The following IL1RAPL2 variants were observed in gnomAD, a reference collection of about 807,000 sequenced individuals.
IL1RAPL2 encodes X-linked interleukin-1 receptor accessory protein-like 2.
Under a neutral mutation model 44.1 loss-of-function variants are expected in IL1RAPL2, and 3 were observed. That is an observed-to-expected ratio of 0.07 (90% confidence interval 0.03 to 0.18). IL1RAPL2 has a LOEUF of 0.18. IL1RAPL2 is among the 10% of genes least tolerant of loss of function. IL1RAPL2 has a pLI of 1.00. For synonymous variants in IL1RAPL2, 181 were observed against 178.8 expected (o/e 1.01, Z -0.10); for missense variants, 391 against 496.4 (o/e 0.79, Z 2.02).
At chrX:105,036,908 T>C (rs2031639340) in intron 2 of IL1RAPL2, among the ~76,000 whole-genome samples, 1 of 101 alleles carries the variant, frequency 9.9e-3, no homozygotes, top group African/African-American at 0.042. Flanking sequence ...CTATTCAGAA[T>C]TACTATATAT....
intron 6 of IL1RAPL2, among the ~76,000 whole-genome samples, chrX:105,695,450 G>A (rs189531888): frequency 1.1e-3 from 117 of 111,277 alleles, no homozygotes; most frequent in Admixed American, 2.0e-3. Context: ...TTTTTCCTAC[G>A]GTAGGAAATC....
In IL1RAPL2 at chrX:105,404,006, C is replaced by T. The variant is rs1175848646; in HGVS notation, c.698-80307C>T. Among the ~76,000 whole-genome samples, 3 of 112,097 alleles carry T rather than the reference C, an allele frequency of 2.7e-5. No individual in the cohort carries two copies. The East Asian group carries it at 8.4e-4, about 31-fold the overall frequency. ...AGGCAAACTTCTTATAGATGGTATA[C>T]AGCCTGGTGCTTCTCCCTTCCAAAG... On this transcript the variant is annotated intron_variant, in intron 5 of 10. Transcript: ENST00000372582.
At chrX:104,711,800 G>T (rs1482153487) in intron 2 of IL1RAPL2, among the ~76,000 whole-genome samples, 1 of 110,892 alleles carries the variant, frequency 9.0e-6, no homozygotes, top group African/African-American at 3.3e-5. Flanking sequence ...GAATGTATTT[G>T]TATTAAAATC....
intron 5 of IL1RAPL2, among the ~76,000 whole-genome samples, chrX:105,447,981 A>C (rs1306166503): frequency 9.8e-6 from 1 of 102,060 alleles, no homozygotes; most frequent in Non-Finnish European, 1.9e-5. Flanking sequence ...AAATATAAAT[A>C]TATAAATATA....
chrX:104,717,445 T>TAAAAAAA, intron 2 of IL1RAPL2, among the ~76,000 whole-genome samples: 1 of 83,550 alleles, frequency 1.2e-5, no homozygotes. Flanking sequence ...ACTTAAAAGT[T>TAAAAAAA]AAAAAAAAAA....
chrX:105,324,547 T>A (rs2034921044), intron 5 of IL1RAPL2, among the ~76,000 whole-genome samples: 1 of 111,514 alleles, frequency 9.0e-6, no homozygotes, highest in Admixed American at 9.6e-5. Flanking sequence ...TATATATATA[T>A]ATGCATGTTT....
chrX:105,490,137 C>T (rs1004044154), intron 6 of IL1RAPL2, among the ~76,000 whole-genome samples: 1 of 111,471 alleles, frequency 9.0e-6, no homozygotes, highest in Non-Finnish European at 1.9e-5. Flanking sequence ...CGATAATTTT[C>T]TTCTTGGAAG....
intron 2 of IL1RAPL2, among the ~76,000 whole-genome samples, chrX:104,698,648 G>T (rs942144440): frequency 8.9e-6 from 1 of 112,238 alleles, no homozygotes; most frequent in Non-Finnish European, 1.9e-5. Flanking sequence ...CCTTCGGAAA[G>T]CAAGGATATT....
chrX:105,726,825 A>G (rs1446594605), intron 7 of IL1RAPL2, among the ~76,000 whole-genome samples: 3 of 110,810 alleles, frequency 2.7e-5, no homozygotes, highest in Non-Finnish European at 5.7e-5. Flanking sequence ...AGAATCTTTC[A>G]CTGTAAATGT....
intron 2 of IL1RAPL2, among the ~76,000 whole-genome samples, chrX:105,133,668 G>T (rs1241390494): frequency 8.9e-6 from 1 of 111,748 alleles, no homozygotes; most frequent in Non-Finnish European, 1.9e-5. Context: ...TACTTCTGGA[G>T]GTTGGGAAGT....
At chrX:104,861,022 T>G (rs1028763258) in intron 2 of IL1RAPL2, among the ~76,000 whole-genome samples, 2 of 111,135 alleles carry the variant, frequency 1.8e-5, no homozygotes, top group African/African-American at 6.5e-5. Context: ...TGCCTAGTAT[T>G]TTCCGCCATT....
chrX:105,231,038 T>C (rs1318521512), intron 3 of IL1RAPL2, among the ~76,000 whole-genome samples: 2 of 112,213 alleles, frequency 1.8e-5, no homozygotes, highest in Non-Finnish European at 3.8e-5. Flanking sequence ...TGTGGAGGTA[T>C]AACATAATAA....
chrX:105,708,537 T>C (rs1468204621), intron 6 of IL1RAPL2, among the ~76,000 whole-genome samples: 1 of 111,809 alleles, frequency 8.9e-6, no homozygotes, highest in Admixed American at 9.5e-5. Flanking sequence ...CAAAGTACTT[T>C]TGATGATACA....
intron 7 of IL1RAPL2, among the ~76,000 whole-genome samples, chrX:105,726,755 A>G (rs779674794): frequency 3.6e-5 from 4 of 110,389 alleles, no homozygotes; most frequent in South Asian, 3.9e-4. Flanking sequence ...ATTTTTTCCA[A>G]TCCTGCCTCA....
chrX:105,421,102 T>C (rs1036769601), intron 5 of IL1RAPL2, among the ~76,000 whole-genome samples: 2 of 111,942 alleles, frequency 1.8e-5, no homozygotes, highest in African/African-American at 6.5e-5. Context: ...TTTGGTTTTA[T>C]ACATTTTAGA....
intron 5 of IL1RAPL2, among the ~76,000 whole-genome samples, chrX:105,364,362 C>T (rs2035277198): frequency 9.0e-6 from 1 of 111,099 alleles, no homozygotes; most frequent in African/African-American, 3.3e-5. Context: ...ATGATGCCTC[C>T]AGATTTTTTC....
At chrX:105,078,282 G>C (rs1447880230) in intron 2 of IL1RAPL2, among the ~76,000 whole-genome samples, 1 of 111,952 alleles carries the variant, frequency 8.9e-6, no homozygotes, top group Non-Finnish European at 1.9e-5. Context: ...GTGTGTTGGA[G>C]TTTACTGGAG....
At chrX:104,727,270 G>T (rs142221353) in intron 2 of IL1RAPL2, among the ~76,000 whole-genome samples, 68 of 110,968 alleles carry the variant, frequency 6.1e-4, no homozygotes, top group African/African-American at 2.1e-3. Flanking sequence ...CCATTAAAAA[G>T]TGGGCAAAGG....
chrX:105,352,439 A>G (rs1384171248), intron 5 of IL1RAPL2, among the ~76,000 whole-genome samples: 3 of 112,022 alleles, frequency 2.7e-5, no homozygotes, highest in Non-Finnish European at 5.6e-5. Context: ...CCCAGTATGC[A>G]TTTGCGTCTC....
Sources: gnomAD v4.1 joint callset for allele counts (sites outside exome capture counted in the v4.1 genomes callset) on GRCh38, gnomAD v4.1.1 for gene constraint, MANE v1.5 for transcripts, NCBI Gene and HGNC (gene_info 2026-07-23, HGNC 2026-07-21) for gene names.